ATP13A4: variants seen among roughly 807,000 people sequenced by gnomAD.
ATP13A4 encodes ATPase 13A4.
A neutral mutation model predicts 142.5 loss-of-function variants in ATP13A4; 114 were observed. The ratio of observed to expected loss-of-function variants is 0.80; its 90% CI spans 0.69 to 0.93. The LOEUF (loss-of-function observed/expected upper bound fraction) is 0.93. ATP13A4 is among the 40% of genes least tolerant of loss of function. The pLI, the probability that ATP13A4 is intolerant of heterozygous loss-of-function variation, is 0.00. For missense variants in ATP13A4, 1,392 were observed against 1,454.0 expected (o/e 0.96, Z 0.69); for synonymous variants, 488 against 514.8 (o/e 0.95, Z 0.70).
At chr3:193,529,951 T>C (rs13324409) in intron 1 of ATP13A4, among the ~76,000 whole-genome samples, 25,508 of 152,148 alleles carry the variant, frequency 0.17, 2,275 homozygotes, top group East Asian at 0.24. Flanking sequence ...CTGTTTGAAG[T>C]GGGAAGGGAC....
upstream of ATP13A4, among the ~76,000 whole-genome samples, chr3:193,556,749 T>C (rs945516529): frequency 2.6e-5 from 4 of 151,992 alleles, no homozygotes; most frequent in Admixed American, 2.0e-4. Context: ...TATATCTCAA[T>C]GAAGAGATAT....
At chr3:193,415,016 T>G (rs1440589230) in intron 25 of ATP13A4, among the ~76,000 whole-genome samples, 2 of 152,076 alleles carry the variant, frequency 1.3e-5, no homozygotes, top group Non-Finnish European at 2.9e-5. Context: ...GGATGAAATA[T>G]ACTCTCTCAT....
At chr3:193,533,158 T>C (rs564949414) in intron 1 of ATP13A4, among the ~76,000 whole-genome samples, 5 of 152,256 alleles carry the variant, frequency 3.3e-5, no homozygotes, top group East Asian at 1.9e-4. Flanking sequence ...AGAGGGAAGA[T>C]TGCTTGAGGC....
At chr3:193,513,430 C>T (rs989231961) in intron 2 of ATP13A4, among the ~76,000 whole-genome samples, 2 of 152,304 alleles carry the variant, frequency 1.3e-5, no homozygotes, top group Non-Finnish European at 1.5e-5. Flanking sequence ...TTCTTATAAA[C>T]ACTCAGTAAA....
rs1714229640 is a variant in ATP13A4, at chr3:193,400,621, T to C, written c.*2031A>G. Among the ~76,000 whole-genome samples, 1 of 152,240 alleles carries C rather than the reference T, an allele frequency of 6.6e-6. No homozygotes were observed. The highest frequency in any genetic ancestry group is 2.1e-4 in the South Asian group (1 of 4,830). On this transcript the variant is annotated 3_prime_UTR_variant, in exon 30 of 30. Coordinates refer to ENST00000342695, the MANE Select transcript of ATP13A4 (RefSeq NM_032279.4). Reference sequence around the variant, plus strand: ...ATAAGGTTTGCTCAGAAGATCTGTATTTGAGGCCTAGATCTGCTCTTGCCA... The same window carrying C: ...ATAAGGTTTGCTCAGAAGATCTGTACTTGAGGCCTAGATCTGCTCTTGCCA...
At chr3:193,584,257 T>C (rs1443573138) in intron 1 of ATP13A4, among the ~76,000 whole-genome samples, 2 of 152,140 alleles carry the variant, frequency 1.3e-5, no homozygotes, top group Admixed American at 6.6e-5. Context: ...AGGATTAGCA[T>C]TGGAGTGATG....
At chr3:193,474,739 A>G (rs1180353810) in intron 8 of ATP13A4, among the ~76,000 whole-genome samples, 1 of 151,588 alleles carries the variant, frequency 6.6e-6, no homozygotes, top group Non-Finnish European at 1.5e-5. Context: ...AGAGAAAGAA[A>G]GAAAGAAAGG....
At chr3:193,464,617 G>A (rs187054593) in intron 12 of ATP13A4, among the ~76,000 whole-genome samples, 15 of 152,188 alleles carry the variant, frequency 9.9e-5, no homozygotes, top group African/African-American at 3.1e-4. Context: ...CAGCAGTGAC[G>A]ATAGCAAAGG....
intron 25 of ATP13A4, among the ~76,000 whole-genome samples, chr3:193,433,212 G>T (rs1267341637): frequency 1.3e-5 from 2 of 152,170 alleles, no homozygotes; most frequent in East Asian, 3.8e-4. Flanking sequence ...ATACCACTTT[G>T]TGAGGAACGC....
At chr3:193,554,933 T>C (rs531006565), upstream of ATP13A4, 666 of 1,599,934 alleles carry the variant, frequency 4.2e-4, 1 homozygote, top group South Asian at 1.3e-3. Context: ...AACTCCTCCT[T>C]GAGCACACAC....
chr3:193,589,774 A>T (rs186663837), intron 1 of ATP13A4, among the ~76,000 whole-genome samples: 140 of 152,268 alleles, frequency 9.2e-4, no homozygotes, highest in African/African-American at 3.2e-3. Context: ...TGACCCACTA[A>T]CTTCAAGTCC....
intron 1 of ATP13A4, among the ~76,000 whole-genome samples, chr3:193,521,910 G>A (rs1198965944): frequency 6.6e-6 from 1 of 151,698 alleles, no homozygotes; most frequent in Non-Finnish European, 1.5e-5. Flanking sequence ...TCCAGCCTGG[G>A]CCACAGAGCG....
At chr3:193,439,562 T>TA (rs1716503053) in intron 21 of ATP13A4, among the ~76,000 whole-genome samples, 1 of 152,224 alleles carries the variant, frequency 6.6e-6, no homozygotes, top group African/African-American at 2.4e-5. Flanking sequence ...CTGTTAATAC[T>TA]AGCATGAGAG....
At chr3:193,445,483 G>A (rs773730820) in intron 18 of ATP13A4, among the ~76,000 whole-genome samples, 17 of 151,714 alleles carry the variant, frequency 1.1e-4, no homozygotes, top group East Asian at 1.9e-4. Flanking sequence ...CTGGCTGGGC[G>A]TGGGGACTCA....
chr3:193,460,624 C>G (rs1205877555), intron 13 of ATP13A4, among the ~76,000 whole-genome samples: 1 of 152,204 alleles, frequency 6.6e-6, no homozygotes, highest in Non-Finnish European at 1.5e-5. Flanking sequence ...ACCAGCAGGA[C>G]AGTTAACACA....
chr3:193,517,905 A>G (rs1721515020), intron 1 of ATP13A4, among the ~76,000 whole-genome samples: 1 of 152,196 alleles, frequency 6.6e-6, no homozygotes, highest in Non-Finnish European at 1.5e-5. Flanking sequence ...ACATTTTTCT[A>G]AGTTTCTTCC....
intron 1 of ATP13A4, chr3:193,553,734 G>C (rs1170588748): frequency 6.6e-6 from 1 of 152,168 alleles, no homozygotes; most frequent in Non-Finnish European, 1.5e-5. Flanking sequence ...ATCTACTCTT[G>C]AAAGTCCAAA....
chr3:193,448,009 G>C (rs1717053007), intron 18 of ATP13A4, among the ~76,000 whole-genome samples, 197 bp downstream of exon 18: 1 of 152,118 alleles, frequency 6.6e-6, no homozygotes, highest in South Asian at 2.1e-4. Flanking sequence ...CTATTTGACT[G>C]ATTGGTTGAT....
At position 193,399,664 on chromosome 3, in the gene ATP13A4, T is replaced by A. The variant is rs1223616589; in HGVS notation, c.*2988A>T. Among the ~76,000 whole-genome samples, 2 of 151,828 alleles carry A rather than the reference T, an allele frequency of 1.3e-5. No homozygotes were observed. Among genetic ancestry groups the A allele is most frequent in the African/African-American group, 4.8e-5 (2 of 41,316 alleles). ...GAGATTGAAACCACCCTGGCTAACATGATGAAACCCCATCTCTACTAAAAA... is the reference window on the plus strand; with the variant it reads ...GAGATTGAAACCACCCTGGCTAACAAGATGAAACCCCATCTCTACTAAAAA... On this transcript the variant is annotated 3_prime_UTR_variant, in exon 30 of 30. Transcript: ENST00000342695.
Sources: allele counts gnomAD v4.1 joint callset (sites outside exome capture counted in the v4.1 genomes callset), GRCh38; gene constraint gnomAD v4.1.1; transcripts MANE v1.5; gene names NCBI Gene and HGNC (gene_info 2026-07-23, HGNC 2026-07-21).